Variants in PLEC observed in about 807,000 individuals in gnomAD.
PLEC encodes the protein plectin.
PLEC carries 216 observed loss-of-function variants against 392.8 expected under a neutral mutation model. The ratio of observed to expected loss-of-function variants is 0.55; its 90% CI spans 0.49 to 0.62. The LOEUF (loss-of-function observed/expected upper bound fraction) is 0.62. Among genes scored for constraint, PLEC ranks in the 20% least tolerant of loss-of-function variants. The probability of loss-of-function intolerance (pLI) is 0.00; values close to 1 mark genes in which losing one functional copy is unlikely to be tolerated. For missense variants in PLEC, 6,863 were observed against 6,563.4 expected, an observed-to-expected ratio of 1.05 and a Z score of -1.58; for synonymous variants, 3,621 against 2,980.6, an observed-to-expected ratio of 1.21 and a Z score of -7.00.
rs1554683295 is a variant in PLEC at position 143,920,876 on chromosome 8, G to A, written c.8945C>T (p.Pro2982Leu). Residue 2982 changes from proline to leucine, a missense_variant, in exon 32 of 32, where the codon CCA (proline) becomes CTA (leucine). By Grantham distance (98) the Pro-to-Leu change is moderately conservative. Transcript: ENST00000345136. Reference sequence around the variant, plus strand: ...CCTGCTCTCCAGCAGCTCGGCGGCTGGCACCAGGCTGCGCAGGCCCTCAAA... The same window carrying A: ...CCTGCTCTCCAGCAGCTCGGCGGCTAGCACCAGGCTGCGCAGGCCCTCAAA... ...LCFEGLRSLV[P>L]AAELLESRVI... 1 of 1,610,990 alleles carries A rather than the reference G, an allele frequency of 6.2e-7. No individual in the cohort carries two copies. The highest frequency in any genetic ancestry group is 8.5e-7 in the Non-Finnish European group (1 of 1,179,914).
At position 143,918,729 on chromosome 8, in the gene PLEC, G is replaced by A; in HGVS notation, c.11092C>T (p.Pro3698Ser). 1 of 1,613,002 alleles carries A rather than the reference G, an allele frequency of 6.2e-7. No homozygotes were observed. The highest frequency in any genetic ancestry group is 8.5e-7 in the Non-Finnish European group (1 of 1,180,016). ...GTGSVAGVYL[P>S]GSRQTLSIYQ... is the part of the protein sequence containing the mutation. ...ATGCTCAGTGTCTGCCTGGAACCGG[G>A]CAGGTAGACACCAGCCACGGAGCCC... is the stretch of plus-strand genomic sequence containing the variant. Residue 3698 changes from proline to serine, a missense_variant, in exon 32 of 32, where the codon CCC becomes TCC. Pro to Ser is a moderately conservative substitution (Grantham distance 74, BLOSUM62 -1). Coordinates refer to ENST00000345136, the MANE Select transcript of PLEC (RefSeq NM_201384.3).
Position 143,930,130 on chromosome 8 carries a change from C to T in PLEC, c.2612+14G>A. 6.3e-7 allele frequency: 1 copy of T among 1,587,286 alleles called. No individual in the cohort carries two copies. The highest frequency in any genetic ancestry group is 1.1e-5 in the South Asian group (1 of 89,128). ...CGCCTTCCAGCCCCCACCTGCTGAG[C>T]CCCCGCCACCCACCTGGTGACGGCC... On this transcript the variant is annotated intron_variant, in intron 21 of 31. Coordinates refer to ENST00000345136, the MANE Select transcript of PLEC (RefSeq NM_201384.3).
chr8:143,973,462 G>A lies in PLEC; in HGVS notation c.11C>T (p.Pro4Leu). The A allele has an allele frequency of 6.6e-7, 1 of 1,514,266 alleles. No individual in the cohort carries two copies. Among genetic ancestry groups the A allele is most frequent in the Non-Finnish European group, 8.8e-7 (1 of 1,130,904 alleles). 93.8% of individuals were successfully genotyped at this position (1,514,266 alleles called of 1,614,324 possible). A position where few individuals can be genotyped will look rare whatever the true frequency, so the allele number is the denominator to read the frequency against. The change falls in exon 1 of 32, where the codon CCG becomes CTG. Residue 4 changes from proline to leucine, a missense_variant. Transcript: ENST00000356346. The surrounding 1 kb of genome is among the most constrained non-coding windows in gnomAD (Gnocchi z 5.6). ...GATGAAGTCCTGCTCGTCGGGCAGCGGGCCGGCCATGCCGGCGGGCGCGGG... is the reference window on the plus strand; with the variant it reads ...GATGAAGTCCTGCTCGTCGGGCAGCAGGCCGGCCATGCCGGCGGGCGCGGG...
At chr8:143,929,074 G>T in intron 25 of PLEC, 29 bp downstream of exon 25, 1 of 1,549,802 alleles carries the variant, frequency 6.5e-7, no homozygotes, top group Non-Finnish European at 8.7e-7. Flanking sequence ...GCCGACCCCA[G>T]CCCCTCGCCT....
At position 143,919,713 on chromosome 8, in the gene PLEC, A is replaced by G; in HGVS notation, c.10108T>C (p.Ser3370Pro). ...IYLEDTKEKV[S>P]IYEAMRRGLL... is the part of the protein sequence containing the mutation. ...CCCCGGCGCATGGCCTCGTAGATGG[A>G]CACCTTCTCCTTGGTGTCCTCCAGG... Residue 3370 changes from serine to proline, a missense_variant, in exon 32 of 32, where the codon TCC (serine) becomes CCC (proline). Ser to Pro is a moderately conservative substitution (Grantham distance 74). Coordinates refer to ENST00000345136, the MANE Select transcript of PLEC (RefSeq NM_201384.3). 1 of 1,605,618 alleles carries G rather than the reference A, an allele frequency of 6.2e-7. No individual in the cohort carries two copies. The highest frequency in any genetic ancestry group is 8.5e-7 in the Non-Finnish European group (1 of 1,176,062).
chr8:143,932,084 CG>C, intron 17 of PLEC, 45 bp downstream of exon 17: 1 of 1,562,528 alleles, frequency 6.4e-7, no homozygotes, highest in Non-Finnish European at 8.7e-7. Flanking sequence ...CCTGGGGACC[CG>C]GCACGGCCCC....
chr8:143,967,775 T>C (rs112641794), intron 1 of PLEC, among the ~76,000 whole-genome samples: 8,468 of 151,632 alleles, frequency 0.056, 318 homozygotes, highest in Middle Eastern at 0.16. Context: ...GAATAGGCAG[T>C]TCACAAAAGA....
chr8:143,957,392 C>T (rs983254027), upstream of PLEC, among the ~76,000 whole-genome samples: 4 of 152,300 alleles, frequency 2.6e-5, no homozygotes, highest in South Asian at 2.1e-4. Context: ...CCAGTGCCTC[C>T]GGAAAACCCC....
chr8:143,921,953 G>T lies in PLEC; in HGVS notation c.7868C>A (p.Thr2623Lys). The T allele has an allele frequency of 6.3e-7, 1 of 1,599,052 alleles. No homozygotes were observed. The highest frequency in any genetic ancestry group is 8.5e-7 in the Non-Finnish European group (1 of 1,179,788). The change falls in exon 32 of 32, where the codon ACA becomes AAA. Residue 2623 changes from threonine (T) to lysine (K), a missense_variant. Coordinates refer to ENST00000345136, the MANE Select transcript of PLEC (RefSeq NM_201384.3). ...EEVTASQVAA[T>K]KTLPNGRDAL... ...ATCCCGGCCATTGGGCAGGGTCTTT[G>T]TGGCAGCCACCTGCGAGGCAGTGAC...
chr8:143,922,472 C>A (rs1554689729), intron 31 of PLEC, 32 bp downstream of exon 31: 1 of 1,602,840 alleles, frequency 6.2e-7, no homozygotes, highest in African/African-American at 1.3e-5. Context: ...TCCCCGGGCC[C>A]ACCCGCCCGT....
upstream of PLEC, among the ~76,000 whole-genome samples, chr8:143,942,072 T>G (rs1244750714): frequency 6.6e-6 from 1 of 151,860 alleles, no homozygotes; most frequent in Non-Finnish European, 1.5e-5. Flanking sequence ...GAGCCCCGCC[T>G]TCAGCACCTC....
upstream of PLEC, among the ~76,000 whole-genome samples, chr8:143,953,448 CCCG>C (rs1174485406): frequency 2.3e-4 from 35 of 151,002 alleles, no homozygotes; most frequent in African/African-American, 3.7e-4. Flanking sequence ...CTGTCCCCGC[CCCG>C]CCGCCGCCGC....
chr8:143,918,564 C>T lies in PLEC; in HGVS notation c.11257G>A (p.Val3753Met), dbSNP rs782803934. The change falls in exon 32 of 32, where the codon GTG (valine) becomes ATG (methionine). Residue 3753 changes from valine (V) to methionine (M), a missense_variant. By Grantham distance (21) the Val-to-Met change is conservative (BLOSUM62 1). Transcript: ENST00000345136. Reference protein sequence around the residue: ...TVDEAVRKGLVGPELHDRLLS... With the variant: ...TVDEAVRKGLMGPELHDRLLS... The stretch of plus-strand genomic sequence containing the variant: ...AGGCGGTCGTGCAGCTCGGGCCCCA[C>T]GAGGCCCTTCCGCACAGCCTCATCC... The T allele has an allele frequency of 5.8e-5, 93 of 1,611,246 alleles. No individual in the cohort carries two copies. Among genetic ancestry groups the T allele is most frequent in the South Asian group, 1.9e-4 (17 of 91,040 alleles).
At chr8:143,961,476 G>A (rs1320444098) in intron 1 of PLEC, among the ~76,000 whole-genome samples, 3 of 152,062 alleles carry the variant, frequency 2.0e-5, no homozygotes, top group Non-Finnish European at 2.9e-5. Context: ...TGCCCAACTC[G>A]GCCCCCCAAA....
intron 10 of PLEC, 95 bp from the exon 11 acceptor site, chr8:143,934,540 C>G: frequency 6.3e-7 from 1 of 1,599,976 alleles, no homozygotes; most frequent in South Asian, 1.1e-5. Flanking sequence ...TGGGACAGCC[C>G]TGGTCCCAAA....
At chr8:143,952,216 A>ACGCG (rs1253998167), upstream of PLEC, among the ~76,000 whole-genome samples, 4 of 96,508 alleles carry the variant, frequency 4.1e-5, no homozygotes, top group Non-Finnish European at 1.1e-4. Context: ...ACACGCGCGC[A>ACGCG]CACACGCACG....
intron 18 of PLEC, 129 bp downstream of exon 18, chr8:143,931,808 G>C: frequency 6.9e-7 from 1 of 1,450,338 alleles, no homozygotes; most frequent in Non-Finnish European, 9.4e-7. Context: ...CAAGGCCCCG[G>C]TCAGGCTGCA....
intron 5 of PLEC, among the ~76,000 whole-genome samples, chr8:143,936,430 G>A (rs1422214859): frequency 2.0e-5 from 3 of 152,228 alleles, no homozygotes; most frequent in Non-Finnish European, 4.4e-5. Context: ...CCCCAGGCCT[G>A]GAAAAGGCTG....
In PLEC at chr8:143,918,635, G is replaced by A. The variant is rs35365120; in HGVS notation, c.11186C>T (p.Ala3729Val). The change falls in exon 32 of 32, where the codon GCC (alanine) becomes GTC (valine). Residue 3729 changes from alanine (A) to valine (V), a missense_variant. Coordinates refer to ENST00000345136, the MANE Select transcript of PLEC (RefSeq NM_201384.3). ...CACCGGGTCCAGCAGGAAGCCTGTG[G>A]CTGCCTGTGCCTCCAGCAGCAGGCG... ...VARLLLEAQA[A>V]TGFLLDPVKG... The A allele has an allele frequency of 1.9e-6, 3 of 1,612,760 alleles. No individual in the cohort carries two copies. Among genetic ancestry groups the A allele is most frequent in the Non-Finnish European group, 2.5e-6 (3 of 1,179,984 alleles).
Sources: allele counts gnomAD v4.1 joint callset (sites outside exome capture counted in the v4.1 genomes callset), GRCh38; gene constraint gnomAD v4.1.1; non-coding constraint Gnocchi (gnomAD v3.1); transcripts MANE v1.5; gene names NCBI Gene and HGNC (gene_info 2026-07-23, HGNC 2026-07-21).